Variants in ABCC11 observed in about 807,000 individuals in gnomAD.
The protein encoded by ABCC11 is ATP-binding cassette sub-family C member 11.
In ABCC11, 135 loss-of-function variants were observed where a neutral mutation model predicts 149.3. The observed-to-expected ratio is 0.90, with a 90% CI of 0.79 to 1.04. The LOEUF is 1.04. Ranked by LOEUF, ABCC11 falls within the 50% of genes least tolerant of loss-of-function variation. The pLI, the probability that ABCC11 is intolerant of heterozygous loss-of-function variation, is 0.00. For missense variants in ABCC11, 1,680 were observed against 1,722.1 expected, an observed-to-expected ratio of 0.98 and a Z score of 0.43; for synonymous variants, 665 against 671.4, an observed-to-expected ratio of 0.99 and a Z score of 0.15.
chr16:48,227,687 C>G (rs1021042389), intron 4 of ABCC11, 119 bp downstream of exon 4: 16 of 1,334,104 alleles, frequency 1.2e-5, no homozygotes, highest in Admixed American at 1.8e-5. Flanking sequence ...CCTCTTCCTA[C>G]AGGAAGAGCC....
intron 13 of ABCC11, among the ~76,000 whole-genome samples, chr16:48,203,926 C>T (rs1417706055): frequency 2.0e-5 from 3 of 152,136 alleles, no homozygotes; most frequent in Non-Finnish European, 4.4e-5. Context: ...ATAATCTATT[C>T]GTATATGGAT....
At chr16:48,221,072 G>A (rs1969703777) in intron 6 of ABCC11, among the ~76,000 whole-genome samples, 1 of 152,156 alleles carries the variant, frequency 6.6e-6, no homozygotes, top group African/African-American at 2.4e-5. Context: ...AGTGACATAA[G>A]CAAAGTCACC....
rs577209992 is a variant in ABCC11 at position 48,247,525 on chromosome 16, T to G, written c.-230A>C. ...GGTTTTGAGTAGTACAGTCCCTTTC[T>G]GCACGTTAGTGTGCAGGCATGTTGC... On this transcript the variant is annotated 5_prime_UTR_variant, in exon 1 of 30. Transcript: ENST00000356608. The G allele has an allele frequency of 2.8e-4, 4 of 14,140 alleles. No individual in the cohort carries two copies. Among genetic ancestry groups the G allele is most frequent in the African/African-American group, 9.0e-4 (3 of 3,342 alleles). 0.9% of individuals were successfully genotyped at this position (14,140 alleles called of 1,614,324 possible). A position where few individuals can be genotyped will look rare whatever the true frequency, so the allele number is the denominator to read the frequency against.
intron 2 of ABCC11, among the ~76,000 whole-genome samples, chr16:48,231,599 G>A (rs1970419303): frequency 6.6e-6 from 1 of 150,572 alleles, no homozygotes; most frequent in Admixed American, 6.6e-5. Flanking sequence ...CCCAGGAGGT[G>A]TCAGTGAGCT....
chr16:48,171,593 T>C (rs1477701180), intron 26 of ABCC11, among the ~76,000 whole-genome samples: 2 of 152,264 alleles, frequency 1.3e-5, no homozygotes, highest in Non-Finnish European at 2.9e-5. Context: ...TTTTAACCAC[T>C]TAAAAGTGTA....
intron 14 of ABCC11, among the ~76,000 whole-genome samples, chr16:48,202,541 G>T (rs1968077318): frequency 6.6e-6 from 1 of 151,840 alleles, no homozygotes; most frequent in Non-Finnish European, 1.5e-5. Flanking sequence ...AATCTGGGAG[G>T]TGGAGGTTGC....
chr16:48,198,095 C>T lies in ABCC11; in HGVS notation c.2218-28G>A, dbSNP rs189949883. The stretch of plus-strand genomic sequence containing the variant: ...GGGGAGAGAGCACAGGCCCTGAGTA[C>T]ACGTGCGTCCACCGTGGGTAGTGAG... On this transcript the variant is annotated intron_variant, in intron 16 of 29. Coordinates refer to ENST00000356608, the MANE Select transcript of ABCC11 (RefSeq NM_001370497.1). 1.5e-5 allele frequency: 24 copies of T among 1,614,160 alleles called. No homozygotes were observed. The East Asian group carries it at 2.9e-4, about 19-fold the overall frequency.
intron 6 of ABCC11, among the ~76,000 whole-genome samples, chr16:48,219,208 T>C (rs1969562602): frequency 1.3e-5 from 2 of 151,018 alleles, no homozygotes; most frequent in African/African-American, 2.4e-5. Context: ...CTCACTATGT[T>C]GTCCAGGCTG....
chr16:48,184,077 T>C (rs1232793801), intron 23 of ABCC11, among the ~76,000 whole-genome samples: 2 of 152,200 alleles, frequency 1.3e-5, no homozygotes, highest in Non-Finnish European at 1.5e-5. Flanking sequence ...AAGAGATCAG[T>C]GTTCTCGTTC....
In ABCC11 at chr16:48,211,083, G is replaced by A. The variant is rs779633811; in HGVS notation, c.1473C>T (p.Val491=). The change falls in exon 11 of 30, where the codon GTC becomes GTT. Residue 491 remains valine (V), a synonymous_variant. Coordinates refer to ENST00000356608, the MANE Select transcript of ABCC11 (RefSeq NM_001370497.1). ...TCCTCTCCAGCTCCAGTGCCCCATT[G>A]ACGATCCCGGGACAGGTCTGTTGCC... is the stretch of plus-strand genomic sequence containing the variant. ...LSWQQTCPGI[V]NGALELERNG... 21 of 1,614,082 alleles carry A rather than the reference G, an allele frequency of 1.3e-5. No homozygotes were observed. The highest frequency in any genetic ancestry group is 1.5e-5 in the Non-Finnish European group (18 of 1,180,052).
chr16:48,229,558 G>A (rs541327224), intron 3 of ABCC11, among the ~76,000 whole-genome samples: 5 of 140,842 alleles, frequency 3.6e-5, no homozygotes, highest in Non-Finnish European at 7.6e-5. Flanking sequence ...TCCGCTTCCC[G>A]GGTTCACACC....
intron 5 of ABCC11, among the ~76,000 whole-genome samples, chr16:48,223,961 A>G (rs1380961609): frequency 2.0e-5 from 3 of 152,070 alleles, no homozygotes; most frequent in Non-Finnish European, 4.4e-5. Context: ...GGGTTTCCAT[A>G]AGGTCTACAC....
At chr16:48,204,292 T>G (rs1291101492) in intron 13 of ABCC11, among the ~76,000 whole-genome samples, 2 of 152,194 alleles carry the variant, frequency 1.3e-5, no homozygotes, top group African/African-American at 2.4e-5. Context: ...TTAGGATGAT[T>G]GCCCTGGAGA....
chr16:48,170,220 T>G lies in ABCC11; in HGVS notation c.3778-2A>C. On this transcript the variant is annotated splice_acceptor_variant, in intron 27 of 29. Transcript: ENST00000356608. LOFTEE classifies it high-confidence loss of function. ...CAGCTTTTTGGGGAACTTTGAGATC[T>G]GCGATATGGGAAGAAGAGACAACAT... The G allele has an allele frequency of 6.2e-7, 1 of 1,610,442 alleles. No individual in the cohort carries two copies. Among genetic ancestry groups the G allele is most frequent in the Non-Finnish European group, 8.5e-7 (1 of 1,176,698 alleles).
rs16945926 is a variant in ABCC11, at chr16:48,198,154, T to C, written c.2204A>G (p.Lys735Arg). The C allele has an allele frequency of 4.8e-4, 768 of 1,614,220 alleles. 2 individuals are homozygous for C. The African/African-American group carries it at 9.1e-3, about 19-fold the overall frequency. Residue 735 changes from lysine to arginine, a missense_variant, in exon 16 of 30, where the codon AAG (lysine) becomes AGG (arginine). Coordinates refer to ENST00000356608, the MANE Select transcript of ABCC11 (RefSeq NM_001370497.1). ...KYAQLIQKMH[K>R]EATSDMLQDT... ...GGCAGGACTCACCGAAGTGGCTTCC[T>C]TGTGCATCTTCTGGATAAGTTGGGC... is the stretch of plus-strand genomic sequence containing the variant.
intron 1 of ABCC11, among the ~76,000 whole-genome samples, chr16:48,236,901 G>T (rs183679051): frequency 3.3e-5 from 5 of 152,216 alleles, no homozygotes; most frequent in African/African-American, 7.2e-5. Flanking sequence ...TGGTTGTTGG[G>T]GCACATGTAT....
intron 1 of ABCC11, among the ~76,000 whole-genome samples, chr16:48,238,872 G>C (rs1416393999): frequency 7.0e-6 from 1 of 143,574 alleles, no homozygotes; most frequent in Non-Finnish European, 1.5e-5. Context: ...GGGAGGCAGA[G>C]CTTGCAGTGA....
intron 23 of ABCC11, 70 bp downstream of exon 23, chr16:48,184,370 G>A: frequency 1.9e-6 from 3 of 1,542,594 alleles, no homozygotes; most frequent in Non-Finnish European, 2.6e-6. Context: ...GACCCCCTGA[G>A]TCTGCCCAGA....
At chr16:48,245,092 TGA>T (rs1971284525) in intron 1 of ABCC11, among the ~76,000 whole-genome samples, 1 of 152,190 alleles carries the variant, frequency 6.6e-6, no homozygotes, top group East Asian at 1.9e-4. Flanking sequence ...CTCTGCTCCG[TGA>T]GTTTTAACTT....
Sources: gnomAD v4.1 joint callset for allele counts (sites outside exome capture counted in the v4.1 genomes callset) on GRCh38, gnomAD v4.1.1 for gene constraint, MANE v1.5 for transcripts, NCBI Gene and HGNC (gene_info 2026-07-23, HGNC 2026-07-21) for gene names.